The following ANO3 variants were observed in gnomAD, a reference collection of about 807,000 sequenced individuals.
The protein encoded by ANO3 is anoctamin 3.
Under a neutral mutation model 144.8 loss-of-function variants are expected in ANO3, and 99 were observed. The ratio of observed to expected loss-of-function variants is 0.68; its 90% CI spans 0.58 to 0.81. ANO3 has a LOEUF of 0.81. ANO3 is among the 30% of genes least tolerant of loss of function. The probability of loss-of-function intolerance (pLI) is 0.00; values close to 1 mark genes in which losing one functional copy is unlikely to be tolerated. For synonymous variants in ANO3, 414 were observed against 392.6 expected, an observed-to-expected ratio of 1.05 and a Z score of -0.64; for missense variants, 905 against 1,202.2, an observed-to-expected ratio of 0.75 and a Z score of 3.66.
At chr11:26,428,524 A>G (rs1857985949) in intron 1 of ANO3, among the ~76,000 whole-genome samples, 1 of 152,242 alleles carries the variant, frequency 6.6e-6, no homozygotes, top group East Asian at 1.9e-4. Flanking sequence ...AGAAAATGGG[A>G]GCAAGGATTT....
At chr11:26,585,195 A>G (rs766644104) in intron 14 of ANO3, among the ~76,000 whole-genome samples, 2 of 152,182 alleles carry the variant, frequency 1.3e-5, no homozygotes, top group Non-Finnish European at 2.9e-5. Context: ...TTCTTTGTAC[A>G]ATGTCTACTA....
At chr11:26,310,590 T>G (rs948976347) in intron 1 of ANO3, among the ~76,000 whole-genome samples, 8 of 152,226 alleles carry the variant, frequency 5.3e-5, no homozygotes, top group Non-Finnish European at 1.2e-4. Context: ...CGCCTTGCCT[T>G]GATTCTGGCA....
intron 11 of ANO3, among the ~76,000 whole-genome samples, chr11:26,544,589 AT>A (rs1849739479): frequency 1.2e-5 from 1 of 82,826 alleles, no homozygotes; most frequent in African/African-American, 3.7e-5. Flanking sequence ...TACATTTTAA[AT>A]GTTCTTACCA....
chr11:26,438,208 C>T (rs10767535), intron 1 of ANO3, among the ~76,000 whole-genome samples: 96,713 of 151,960 alleles, frequency 0.64, 33,447 homozygotes, highest in Admixed American at 0.79. Context: ...CAAAAGAGAG[C>T]GGGAGCTAAC....
intron 1 of ANO3, among the ~76,000 whole-genome samples, chr11:26,284,012 C>T (rs185283046): frequency 6.6e-6 from 1 of 152,150 alleles, no homozygotes; most frequent in Non-Finnish European, 1.5e-5. Context: ...TGTGGGGGAA[C>T]TGTGCTGGGG....
chr11:26,343,551 C>T (rs1297543868), intron 1 of ANO3, among the ~76,000 whole-genome samples: 1 of 152,154 alleles, frequency 6.6e-6, no homozygotes, highest in Non-Finnish European at 1.5e-5. Flanking sequence ...TTGCCACTCA[C>T]GACTCCGTGG....
At chr11:26,212,479 A>G (rs1417566610) in intron 1 of ANO3, among the ~76,000 whole-genome samples, 1 of 152,132 alleles carries the variant, frequency 6.6e-6, no homozygotes, top group East Asian at 1.9e-4. Flanking sequence ...TGAAATACAA[A>G]CTACCATCAG....
chr11:26,647,720 G>A lies in ANO3; in HGVS notation c.2440G>A (p.Gly814Arg). 1.2e-6 allele frequency: 2 copies of A among 1,603,550 alleles called. No individual in the cohort carries two copies. The highest frequency in any genetic ancestry group is 1.7e-6 in the Non-Finnish European group (2 of 1,172,722). Residue 814 changes from glycine to arginine, a missense_variant, in exon 24 of 27, where the codon GGA becomes AGA. Coordinates refer to ENST00000256737, the MANE Select transcript of ANO3 (RefSeq NM_031418.4). ...ARATDIGIWLGILEGIGILAV... is the reference protein window; with the variant it reads ...ARATDIGIWLRILEGIGILAV... The stretch of plus-strand genomic sequence containing the variant: ...CTTTCTCTTACCAGGTATCTGGCTT[G>A]GAATTCTCGAAGGAATCGGTATATT...
At chr11:26,343,716 A>G (rs1350416258) in intron 1 of ANO3, among the ~76,000 whole-genome samples, 1 of 152,086 alleles carries the variant, frequency 6.6e-6, no homozygotes. Flanking sequence ...TTAGATTCAA[A>G]TGTTGTTTCT....
At chr11:26,329,575 C>T (rs1353676473), upstream of ANO3, among the ~76,000 whole-genome samples, 1 of 152,126 alleles carries the variant, frequency 6.6e-6, no homozygotes, top group Non-Finnish European at 1.5e-5. Flanking sequence ...ATCATAGCTG[C>T]ACCAAGGAGG....
intron 1 of ANO3, among the ~76,000 whole-genome samples, chr11:26,264,743 G>C (rs547157301): frequency 4.6e-4 from 70 of 152,106 alleles, no homozygotes; most frequent in African/African-American, 1.6e-3. Flanking sequence ...TTCTCCCTGA[G>C]TTTTCACATG....
intron 1 of ANO3, among the ~76,000 whole-genome samples, chr11:26,252,046 T>C (rs993540744): frequency 7.9e-5 from 12 of 152,206 alleles, no homozygotes; most frequent in African/African-American, 2.7e-4. Context: ...GAAAAGCATG[T>C]GTCTAAACTT....
At chr11:26,493,990 A>T (rs1860822639) in intron 4 of ANO3, among the ~76,000 whole-genome samples, 1 of 152,164 alleles carries the variant, frequency 6.6e-6, no homozygotes, top group Non-Finnish European at 1.5e-5. Context: ...TTGTAAAAGG[A>T]TAGTTTTCAA....
Position 26,656,029 on chromosome 11 carries a change from A to T in ANO3, c.2577-96A>T, listed in dbSNP as rs550977316. 4.7e-5 allele frequency: 46 copies of T among 977,812 alleles called. No homozygotes were observed. In the Admixed American group the frequency reaches 7.3e-4, roughly 16 times the overall value. 60.6% of individuals were successfully genotyped at this position (977,812 alleles called of 1,614,324 possible). A position where few individuals can be genotyped will look rare whatever the true frequency, so the allele number is the denominator to read the frequency against. On this transcript the variant is annotated intron_variant, in intron 24 of 26. Transcript: ENST00000256737. Reference sequence around the variant, plus strand: ...AAAAGTTTATCATTAGAATGGAAAGAATAATACATTTGTAAAATCCTGGCA... The same window carrying T: ...AAAAGTTTATCATTAGAATGGAAAGTATAATACATTTGTAAAATCCTGGCA...
intron 9 of ANO3, among the ~76,000 whole-genome samples, chr11:26,537,017 T>C (rs1324781083): frequency 6.6e-6 from 1 of 152,014 alleles, no homozygotes; most frequent in Non-Finnish European, 1.5e-5. Context: ...TTTTTTTTTT[T>C]TTTTTTGGTA....
intron 1 of ANO3, among the ~76,000 whole-genome samples, chr11:26,407,083 T>C (rs1482931840): frequency 7.0e-6 from 1 of 142,834 alleles, no homozygotes; most frequent in African/African-American, 2.5e-5. Context: ...TGTGTATATA[T>C]ATATATATAT....
At chr11:26,262,719 A>AACACACACAC (rs144643690) in intron 1 of ANO3, among the ~76,000 whole-genome samples, 37 of 149,204 alleles carry the variant, frequency 2.5e-4, no homozygotes, top group African/African-American at 6.6e-4. Context: ...CCTTATAGTA[A>AACACACACAC]ACACACACAC....
chr11:26,521,785 C>A (rs1210242810), intron 6 of ANO3, among the ~76,000 whole-genome samples: 1 of 152,150 alleles, frequency 6.6e-6, no homozygotes, highest in Non-Finnish European at 1.5e-5. Flanking sequence ...AGTCATCCTG[C>A]GGCTTCTCAG....
At chr11:26,558,581 AC>A (rs1206745222) in intron 13 of ANO3, among the ~76,000 whole-genome samples, 1 of 152,104 alleles carries the variant, frequency 6.6e-6, no homozygotes, top group African/African-American at 2.4e-5. Flanking sequence ...CCGTGCCTTA[AC>A]CAACAATGAA....
Sources: allele counts gnomAD v4.1 joint callset (sites outside exome capture counted in the v4.1 genomes callset), GRCh38; gene constraint gnomAD v4.1.1; transcripts MANE v1.5; gene names NCBI Gene and HGNC (gene_info 2026-07-23, HGNC 2026-07-21).